The following ADAMTSL1 variants were observed in gnomAD, a reference collection of about 807,000 sequenced individuals.
ADAMTSL1 encodes the protein ADAMTS like 1.
A neutral mutation model predicts 201.8 loss-of-function variants in ADAMTSL1; 126 were observed. The ratio of observed to expected loss-of-function variants is 0.62; its 90% CI spans 0.54 to 0.72. ADAMTSL1 has a LOEUF of 0.72. ADAMTSL1 is among the 30% of genes least tolerant of loss of function. The pLI is 0.00. For synonymous variants in ADAMTSL1, 1,121 were observed against 903.4 expected, an observed-to-expected ratio of 1.24 and a Z score of -4.32; for missense variants, 2,679 against 2,277.8, an observed-to-expected ratio of 1.18 and a Z score of -3.59.
chr9:18,595,962 G>C (rs1243860488), intron 4 of ADAMTSL1, among the ~76,000 whole-genome samples: 1 of 152,148 alleles, frequency 6.6e-6, no homozygotes, highest in Non-Finnish European at 1.5e-5. Flanking sequence ...GAATTCCAAG[G>C]CTCAAACAGA....
intron 1 of ADAMTSL1, among the ~76,000 whole-genome samples, chr9:18,156,727 C>G (rs895418511): frequency 6.6e-6 from 1 of 151,834 alleles, no homozygotes; most frequent in African/African-American, 2.4e-5. Flanking sequence ...TGCCCATCCA[C>G]CTAGGATTGG....
intron 1 of ADAMTSL1, among the ~76,000 whole-genome samples, chr9:18,074,164 C>T (rs1384603341): frequency 2.0e-5 from 3 of 152,132 alleles, no homozygotes; most frequent in African/African-American, 4.8e-5. Flanking sequence ...CTGAGATGCC[C>T]ACCAGCTGGC....
At chr9:18,467,099 C>CTATT (rs1821037312) in intron 2 of ADAMTSL1, among the ~76,000 whole-genome samples, 1 of 152,090 alleles carries the variant, frequency 6.6e-6, no homozygotes, top group East Asian at 1.9e-4. Flanking sequence ...TGCTGTACTC[C>CTATT]GTTCTGTGAA....
At position 18,417,990 on chromosome 9, in the gene ADAMTSL1, A is replaced by C. The variant is rs544359052; in HGVS notation, c.208-86839A>C. ...ATCAAACTCAGCAATACAGAGAAGA[A>C]ATAATACAATATGACCAAGAGCAGC... On this transcript the variant is annotated intron_variant, in intron 2 of 29. Transcript: ENST00000680146. Among the ~76,000 whole-genome samples the C allele has an allele frequency of 3.9e-5, 6 of 152,340 alleles. No individual in the cohort carries two copies. The East Asian group carries it at 7.7e-4, about 20-fold the overall frequency.
At chr9:18,732,370 C>G (rs1818264111) in intron 15 of ADAMTSL1, among the ~76,000 whole-genome samples, 1 of 152,012 alleles carries the variant, frequency 6.6e-6, no homozygotes, top group Non-Finnish European at 1.5e-5. Context: ...TCATGGGGTC[C>G]TGAAAAAGGA....
chr9:18,115,840 A>T (rs1825227378), intron 1 of ADAMTSL1, among the ~76,000 whole-genome samples: 1 of 152,304 alleles, frequency 6.6e-6, no homozygotes, highest in South Asian at 2.1e-4. Context: ...GTCTGGCTAC[A>T]AAGTTTATGC....
chr9:18,002,850 A>G (rs1819667534), intron 1 of ADAMTSL1, among the ~76,000 whole-genome samples: 1 of 152,100 alleles, frequency 6.6e-6, no homozygotes, highest in Non-Finnish European at 1.5e-5. Flanking sequence ...CCAGAGCCAG[A>G]TAACTAGCAA....
chr9:18,810,563 C>G (rs1823436506), intron 20 of ADAMTSL1, among the ~76,000 whole-genome samples: 1 of 152,274 alleles, frequency 6.6e-6, no homozygotes, highest in Non-Finnish European at 1.5e-5. Context: ...TGTAGAATAT[C>G]CTGCCTGTAA....
intron 1 of ADAMTSL1, among the ~76,000 whole-genome samples, chr9:18,055,065 A>G (rs901257577): frequency 6.6e-6 from 1 of 152,214 alleles, no homozygotes; most frequent in Non-Finnish European, 1.5e-5. Flanking sequence ...CTGCCACAGC[A>G]CTATGCATTC....
At chr9:18,023,478 G>T (rs1274372579) in intron 1 of ADAMTSL1, among the ~76,000 whole-genome samples, 1 of 152,146 alleles carries the variant, frequency 6.6e-6, no homozygotes, top group East Asian at 1.9e-4. Flanking sequence ...ATGACCAGAT[G>T]GGGTCAAGAA....
intron 2 of ADAMTSL1, among the ~76,000 whole-genome samples, chr9:18,228,673 G>A (rs1830521358): frequency 6.6e-6 from 1 of 152,068 alleles, no homozygotes; most frequent in African/African-American, 2.4e-5. Flanking sequence ...TCTTGCCTAG[G>A]CCTCCTAAAG....
intron 1 of ADAMTSL1, among the ~76,000 whole-genome samples, chr9:18,094,326 A>G (rs1824149957): frequency 6.6e-6 from 1 of 152,076 alleles, no homozygotes; most frequent in African/African-American, 2.4e-5. Flanking sequence ...ATCTGCCTCT[A>G]TCTCTATTCC....
intron 20 of ADAMTSL1, chr9:18,796,492 C>A (rs2131052685): frequency 6.6e-6 from 1 of 152,340 alleles, no homozygotes; most frequent in African/African-American, 2.4e-5. Context: ...AAGCCAACAT[C>A]ACCCCACACT....
At chr9:18,548,301 T>A (rs1820596466) in intron 3 of ADAMTSL1, among the ~76,000 whole-genome samples, 1 of 152,112 alleles carries the variant, frequency 6.6e-6, no homozygotes, top group Admixed American at 6.6e-5. Context: ...AGTGTCCTTT[T>A]GGCAGTCTAT....
intron 3 of ADAMTSL1, among the ~76,000 whole-genome samples, chr9:18,541,151 A>T (rs1587505673): frequency 6.6e-6 from 1 of 152,292 alleles, no homozygotes; most frequent in East Asian, 1.9e-4. Flanking sequence ...CAAAATTGGG[A>T]GCAGGCTCTC....
intron 1 of ADAMTSL1, among the ~76,000 whole-genome samples, chr9:18,139,007 C>T (rs932483036): frequency 1.3e-5 from 2 of 152,042 alleles, no homozygotes; most frequent in African/African-American, 4.8e-5. Context: ...CACTAAGGAA[C>T]CTTGCAGGAG....
At chr9:18,621,556 C>CCCCACA (rs1554716788) in intron 4 of ADAMTSL1, among the ~76,000 whole-genome samples, 2 of 143,728 alleles carry the variant, frequency 1.4e-5, no homozygotes, top group Middle Eastern at 3.5e-3. Flanking sequence ...CCGTCCTCTT[C>CCCCACA]CACACACACA....
chr9:18,126,508 T>C (rs1452791069), intron 1 of ADAMTSL1, among the ~76,000 whole-genome samples: 1 of 152,200 alleles, frequency 6.6e-6, no homozygotes, highest in Non-Finnish European at 1.5e-5. Context: ...CTTGTCTACC[T>C]CCTTACTTAT....
intron 6 of ADAMTSL1, 135 bp downstream of exon 6, chr9:18,636,152 C>G: frequency 2.7e-6 from 2 of 735,946 alleles, no homozygotes; most frequent in Non-Finnish European, 4.2e-6. Flanking sequence ...TTGAGTACCT[C>G]TGTTTATCTT....
Sources: allele counts gnomAD v4.1 joint callset (sites outside exome capture counted in the v4.1 genomes callset), GRCh38; gene constraint gnomAD v4.1.1; transcripts MANE v1.5; gene names NCBI Gene and HGNC (gene_info 2026-07-23, HGNC 2026-07-21).